Variants in DCC observed in about 807,000 individuals in gnomAD.
The protein encoded by DCC is netrin receptor DCC.
DCC carries 58 observed loss-of-function variants against 172.5 expected under a neutral mutation model. That is an observed-to-expected ratio of 0.34 (90% CI 0.27 to 0.42). The LOEUF (loss-of-function observed/expected upper bound fraction) is 0.42. DCC is among the 10% of genes least tolerant of loss of function. DCC has a pLI of 1.00. For missense variants in DCC, 1,740 were observed against 1,791.0 expected (o/e 0.97, Z 0.51); for synonymous variants, 709 against 644.5 (o/e 1.10, Z -1.52).
chr18:53,519,448 A>G (rs2046375002), intron 27 of DCC, among the ~76,000 whole-genome samples: 1 of 151,888 alleles, frequency 6.6e-6, no homozygotes, highest in South Asian at 2.1e-4. Flanking sequence ...GATTTTTCCA[A>G]CTTCTCAGAG....
intron 1 of DCC, among the ~76,000 whole-genome samples, chr18:52,348,575 G>A (rs2144237884): frequency 6.6e-6 from 1 of 152,224 alleles, no homozygotes; most frequent in Admixed American, 6.5e-5. Flanking sequence ...TAATTTGTTA[G>A]CTATTTGTGA....
intron 2 of DCC, among the ~76,000 whole-genome samples, chr18:52,774,117 A>C (rs2037388024): frequency 6.6e-6 from 1 of 152,244 alleles, no homozygotes. Context: ...GGCTGTCAGA[A>C]AGTGTGGTCC....
intron 2 of DCC, among the ~76,000 whole-genome samples, chr18:52,819,663 G>C (rs1433224822): frequency 1.3e-5 from 2 of 151,642 alleles, no homozygotes; most frequent in Non-Finnish European, 2.9e-5. Context: ...GTCTTATTTA[G>C]TATGTTTTTG....
chr18:53,507,404 G>A (rs1165024908), intron 27 of DCC, among the ~76,000 whole-genome samples: 1 of 152,192 alleles, frequency 6.6e-6, no homozygotes, highest in Non-Finnish European at 1.5e-5. Context: ...GTACCTAAAA[G>A]ACTGTGTGAA....
intron 1 of DCC, chr18:52,419,777 T>G (rs528748166): frequency 6.6e-6 from 1 of 152,286 alleles, no homozygotes; most frequent in East Asian, 1.9e-4. Context: ...CCTTAATTTC[T>G]TATTAAAACC....
intron 1 of DCC, among the ~76,000 whole-genome samples, chr18:52,495,397 T>C (rs1177980778): frequency 1.3e-5 from 2 of 152,138 alleles, no homozygotes; most frequent in Non-Finnish European, 2.9e-5. Context: ...GATTCTTAAG[T>C]TCATTTCATG....
intron 8 of DCC, among the ~76,000 whole-genome samples, chr18:53,171,507 G>C (rs1383389618): frequency 1.3e-5 from 2 of 152,144 alleles, no homozygotes; most frequent in African/African-American, 4.8e-5. Context: ...CCATATCAAT[G>C]AATATGTTTA....
intron 5 of DCC, among the ~76,000 whole-genome samples, chr18:53,021,510 A>G (rs1304624536): frequency 6.6e-6 from 1 of 152,130 alleles, no homozygotes; most frequent in South Asian, 2.1e-4. Flanking sequence ...GCATCCTCTG[A>G]GAGGAAGTAC....
rs180734829 is a variant in DCC, at chr18:53,256,125, A to T, written c.1911+40528A>T. Among the ~76,000 whole-genome samples the T allele has an allele frequency of 1.3e-3, 194 of 152,232 alleles. 1 individual carries two copies. The highest frequency in any genetic ancestry group is 7.9e-3 in the South Asian group (38 of 4,828). ...ATTCTGGATATTAGCCCTTTGTCAG[A>T]TGAGTAGATTGCAAAAATTTTCTTC... On this transcript the variant is annotated intron_variant, in intron 12 of 28. Transcript: ENST00000442544.
chr18:52,464,776 G>A lies in DCC; in HGVS notation c.91+123898G>A, dbSNP rs76858052. On this transcript the variant is annotated intron_variant, in intron 1 of 28. Transcript: ENST00000442544. ...TGTTGGTTTTTTTTTTCTCCCCATG[G>A]GAAATTTCATTTATTATACTTACAT... is the stretch of plus-strand genomic sequence containing the variant. 5.9e-4 allele frequency among the ~76,000 whole-genome samples: 89 copies of A among 151,738 alleles called. 1 individual carries two copies. The highest frequency in any genetic ancestry group is 2.1e-3 in the African/African-American group (86 of 41,398).
intron 27 of DCC, among the ~76,000 whole-genome samples, chr18:53,512,155 C>T (rs911441575): frequency 1.3e-5 from 2 of 151,328 alleles, no homozygotes; most frequent in African/African-American, 4.8e-5. Flanking sequence ...TCCCTGACCC[C>T]GACCCCCCAG....
intron 7 of DCC, among the ~76,000 whole-genome samples, chr18:53,088,162 G>A (rs2042944935): frequency 2.0e-5 from 3 of 152,108 alleles, no homozygotes; most frequent in South Asian, 2.1e-4. Context: ...AGCTTGATGG[G>A]CATGGCATTG....
intron 15 of DCC, among the ~76,000 whole-genome samples, chr18:53,340,969 G>A (rs2057652903): frequency 6.6e-6 from 1 of 152,148 alleles, no homozygotes; most frequent in African/African-American, 2.4e-5. Flanking sequence ...GAAGAAAATT[G>A]CACTGACCCA....
At chr18:53,174,688 C>T (rs1395839272) in intron 8 of DCC, among the ~76,000 whole-genome samples, 2 of 147,604 alleles carry the variant, frequency 1.4e-5, no homozygotes, top group African/African-American at 2.5e-5. Flanking sequence ...TAATCAATAG[C>T]TTACCAACCA....
chr18:53,316,164 T>C (rs1599017211), intron 13 of DCC, among the ~76,000 whole-genome samples: 2 of 152,292 alleles, frequency 1.3e-5, no homozygotes. Context: ...TTTCAGTTTT[T>C]TGCATATGGC....
intron 1 of DCC, among the ~76,000 whole-genome samples, chr18:52,671,300 T>G (rs2035548658): frequency 1.3e-5 from 2 of 152,062 alleles, no homozygotes; most frequent in African/African-American, 4.8e-5. Flanking sequence ...CATGACTGAG[T>G]GTGTGACTGA....
chr18:52,889,655 A>C (rs73458935), intron 2 of DCC, among the ~76,000 whole-genome samples: 7,250 of 152,188 alleles, frequency 0.048, 242 homozygotes, highest in South Asian at 0.14. Context: ...TGTACAGTTA[A>C]TTGCTTACAA....
At chr18:52,988,367 C>T (rs2041329439) in intron 5 of DCC, among the ~76,000 whole-genome samples, 1 of 151,904 alleles carries the variant, frequency 6.6e-6, no homozygotes, top group South Asian at 2.1e-4. Flanking sequence ...CTGAAACATC[C>T]AAATGATTGA....
chr18:53,152,561 A>T (rs1411435919), intron 7 of DCC, among the ~76,000 whole-genome samples: 2 of 130,736 alleles, frequency 1.5e-5, no homozygotes, highest in Non-Finnish European at 3.2e-5. Context: ...TTATTAAAAA[A>T]TTTTTAAAGA....
Sources: allele counts gnomAD v4.1 joint callset (sites outside exome capture counted in the v4.1 genomes callset), GRCh38; gene constraint gnomAD v4.1.1; transcripts MANE v1.5; gene names NCBI Gene and HGNC (gene_info 2026-07-23, HGNC 2026-07-21).